NFYA: variants seen among roughly 807,000 people sequenced by gnomAD.
NFYA encodes nuclear transcription factor Y subunit alpha, also known as CAAT-box DNA binding protein subunit A.
A neutral mutation model predicts 52.8 loss-of-function variants in NFYA; 28 were observed. The ratio of observed to expected loss-of-function variants is 0.53; its 90% CI spans 0.39 to 0.73. The LOEUF is 0.73. NFYA is among the 30% of genes least tolerant of loss of function. The pLI, the probability that NFYA is intolerant of heterozygous loss-of-function variation, is 0.00. For missense variants in NFYA, 234 were observed against 427.0 expected, an observed-to-expected ratio of 0.55 and a Z score of 3.98; for synonymous variants, 150 against 150.7, an observed-to-expected ratio of 1.00 and a Z score of 0.03.
intron 1 of NFYA, among the ~76,000 whole-genome samples, chr6:41,076,309 C>A (rs1763732487): frequency 1.3e-5 from 2 of 152,188 alleles, no homozygotes; most frequent in Admixed American, 1.3e-4. Context: ...AATGCTGTTT[C>A]ATGAAACTTT....
intron 8 of NFYA, 86 bp downstream of exon 8, chr6:41,093,171 A>C: frequency 2.3e-5 from 28 of 1,217,328 alleles, no homozygotes; most frequent in Non-Finnish European, 3.1e-5. Flanking sequence ...TTGTTTTCTC[A>C]CGTACCTTCC....
At chr6:41,092,830 A>T in intron 7 of NFYA, 82 bp from the exon 8 acceptor site, 1 of 1,457,618 alleles carries the variant, frequency 6.9e-7, no homozygotes, top group South Asian at 1.4e-5. Context: ...TTTACAAAAA[A>T]AATGGATGAA....
chr6:41,080,880 G>A lies in NFYA; in HGVS notation c.145G>A (p.Val49Ile), dbSNP rs1763886763. ...GGTGGCATCCGCCTCAGGCCAGCAA[G>A]TCCAGACCCTCCAGGTAGTGGTACC... is the stretch of plus-strand genomic sequence containing the variant. The part of the protein sequence containing the change: ...AQVASASGQQ[V>I]QTLQVVQGQP... Residue 49 changes from valine (V) to isoleucine (I), a missense_variant, in exon 3 of 10, where the codon GTC becomes ATC. Coordinates refer to ENST00000341376, the MANE Select transcript of NFYA (RefSeq NM_002505.5). 1.2e-6 allele frequency: 2 copies of A among 1,613,860 alleles called. No homozygotes were observed. The highest frequency in any genetic ancestry group is 1.7e-6 in the Non-Finnish European group (2 of 1,179,850).
chr6:41,092,608 C>G (rs917532465), intron 7 of NFYA, among the ~76,000 whole-genome samples: 1 of 152,034 alleles, frequency 6.6e-6, no homozygotes, highest in Non-Finnish European at 1.5e-5. Flanking sequence ...TGTCTTATGA[C>G]TACTGTTCCT....
At chr6:41,088,392 CAGCCTG>C (rs1313533837) in intron 4 of NFYA, among the ~76,000 whole-genome samples, 1 of 138,440 alleles carries the variant, frequency 7.2e-6, no homozygotes, top group Non-Finnish European at 1.5e-5. Context: ...CACTGCACTC[CAGCCTG>C]AGCCACAGAG....
At chr6:41,073,167 G>A (rs1763568575) in intron 1 of NFYA, 83 bp downstream of exon 1, 1 of 152,528 alleles carries the variant, frequency 6.6e-6, no homozygotes, top group Non-Finnish European at 1.5e-5. Flanking sequence ...ACTCAGGAGA[G>A]GCCCAGGCGC....
At chr6:41,094,568 T>C (rs183197697) in intron 9 of NFYA, 71 bp downstream of exon 9, 1 of 1,163,324 alleles carries the variant, frequency 8.6e-7, no homozygotes, top group South Asian at 1.3e-5. Context: ...CCTTCAGCAG[T>C]GTCCTCTTGC....
intron 4 of NFYA, among the ~76,000 whole-genome samples, chr6:41,086,408 G>T (rs922865293): frequency 6.6e-6 from 1 of 152,062 alleles, no homozygotes; most frequent in Non-Finnish European, 1.5e-5. Flanking sequence ...TCCAAGTAGG[G>T]CTATAACTAA....
At chr6:41,091,954 T>A (rs903490226) in intron 7 of NFYA, among the ~76,000 whole-genome samples, 1 of 152,174 alleles carries the variant, frequency 6.6e-6, no homozygotes, top group Non-Finnish European at 1.5e-5. Flanking sequence ...GGAATTCTTT[T>A]CAGAATTCAA....
At chr6:41,089,541 A>G in intron 4 of NFYA, 38 bp from the exon 5 acceptor site, 1 of 1,549,830 alleles carries the variant, frequency 6.5e-7, no homozygotes, top group Non-Finnish European at 8.7e-7. Context: ...GACCAGTGTC[A>G]GTAGAGTACA....
At chr6:41,086,074 A>T (rs1454480263) in intron 4 of NFYA, among the ~76,000 whole-genome samples, 3 of 152,184 alleles carry the variant, frequency 2.0e-5, no homozygotes, top group African/African-American at 7.2e-5. Flanking sequence ...GCTTTCCTTG[A>T]TTCCCTATTG....
rs1764439613 is a variant in NFYA, at chr6:41,099,334, A to G, written c.*1924A>G. 1 of 152,238 alleles carries G rather than the reference A, an allele frequency of 6.6e-6. No individual in the cohort carries two copies. Among genetic ancestry groups the G allele is most frequent in the Non-Finnish European group, 1.5e-5 (1 of 68,034 alleles). 9.4% of individuals were successfully genotyped at this position (152,238 alleles called of 1,614,324 possible). A position where few individuals can be genotyped will look rare whatever the true frequency, so the allele number is the denominator to read the frequency against. Reference sequence around the variant, plus strand: ...AAGATGCAGAGTTCAGAAAGAAATTACTCAGACCTAACTTTGAGTGCTTAA... The same window carrying G: ...AAGATGCAGAGTTCAGAAAGAAATTGCTCAGACCTAACTTTGAGTGCTTAA... On this transcript the variant is annotated 3_prime_UTR_variant, in exon 10 of 10. Coordinates refer to ENST00000341376, the MANE Select transcript of NFYA (RefSeq NM_002505.5).
intron 3 of NFYA, among the ~76,000 whole-genome samples, chr6:41,082,156 T>C (rs6918969): frequency 0.34 from 51,118 of 152,064 alleles, 9,247 homozygotes; most frequent in African/African-American, 0.47. Context: ...CTACCTCTTA[T>C]TGTCATCACT....
chr6:41,097,267 T>C, intron 9 of NFYA, 90 bp from the exon 10 acceptor site: 1 of 1,151,924 alleles, frequency 8.7e-7, no homozygotes. Flanking sequence ...TAAAGTTATG[T>C]GTATTCTCTT....
At position 41,100,678 on chromosome 6, in the gene NFYA, A is replaced by T; in HGVS notation, c.*3268A>T. ...CCTGTCCTTACCAAATTCAGAGATG[A>T]CCCAAGATTCTACTCTGTGGTATGA... is the stretch of plus-strand genomic sequence containing the variant. On this transcript the variant is annotated 3_prime_UTR_variant, in exon 10 of 10. Coordinates refer to ENST00000341376, the MANE Select transcript of NFYA (RefSeq NM_002505.5). 6.6e-6 allele frequency among the ~76,000 whole-genome samples: 1 copy of T among 152,182 alleles called. No individual in the cohort carries two copies. The highest frequency in any genetic ancestry group is 1.9e-4 in the East Asian group (1 of 5,186).
intron 1 of NFYA, among the ~76,000 whole-genome samples, chr6:41,076,238 T>C (rs1386224218): frequency 1.3e-5 from 2 of 152,170 alleles, no homozygotes; most frequent in Non-Finnish European, 2.9e-5. Flanking sequence ...GGAGACCCCC[T>C]CTCTTAAAAG....
At position 41,084,057 on chromosome 6, in the gene NFYA, G is replaced by A; in HGVS notation, c.174G>A (p.Gln58=). ...QVQTLQVVQG[Q]PLMVQVSGGQ... ...TTATTTCATTCTAGGTCCAAGGGCA[G>A]CCATTAATGGTGCAGGTCAGTGGAG... The change falls in exon 4 of 10, where the codon CAG becomes CAA. Residue 58 remains glutamine, a synonymous_variant. Transcript: ENST00000341376. The A allele has an allele frequency of 6.2e-7, 1 of 1,606,066 alleles. No individual in the cohort carries two copies. Among genetic ancestry groups the A allele is most frequent in the Non-Finnish European group, 8.5e-7 (1 of 1,176,864 alleles).
At chr6:41,075,089 A>G (rs942001128) in intron 1 of NFYA, among the ~76,000 whole-genome samples, 1 of 152,080 alleles carries the variant, frequency 6.6e-6, no homozygotes, top group Non-Finnish European at 1.5e-5. Context: ...TGCTTAAGTG[A>G]TTTTCTTAAT....
rs779056304 is a variant in NFYA, at chr6:41,090,296, C to T, written c.534C>T (p.Thr178=). 1.2e-5 allele frequency: 20 copies of T among 1,612,978 alleles called. No individual in the cohort carries two copies. The Admixed American group carries it at 3.2e-4, about 26-fold the overall frequency. Reference sequence around the variant, plus strand: ...ATCAACCAGTTAATGCAGATGGCACCATTCTCCAGCAAGGTAAGTGTACCC... The same window carrying T: ...ATCAACCAGTTAATGCAGATGGCACTATTCTCCAGCAAGGTAAGTGTACCC... ...IVYQPVNADG[T]ILQQVTVPVS... Residue 178 remains threonine, a synonymous_variant, in exon 6 of 10, where the codon ACC becomes ACT. Transcript: ENST00000341376.
Sources: allele counts gnomAD v4.1 joint callset (sites outside exome capture counted in the v4.1 genomes callset), GRCh38; gene constraint gnomAD v4.1.1; transcripts MANE v1.5; gene names NCBI Gene and HGNC (gene_info 2026-07-23, HGNC 2026-07-21).